Variants in VSNL1 observed in about 807,000 individuals in gnomAD.
VSNL1 encodes visinin-like protein 1.
In VSNL1, 6 loss-of-function variants were observed where a neutral mutation model predicts 20.4. The observed-to-expected ratio is 0.29, with a 90% CI of 0.16 to 0.58. VSNL1 has a LOEUF of 0.58. Ranked by LOEUF, VSNL1 falls within the 20% of genes least tolerant of loss-of-function variation. The pLI, the probability that VSNL1 is intolerant of heterozygous loss-of-function variation, is 0.90. For missense variants in VSNL1, 100 were observed against 234.5 expected (o/e 0.43, Z 3.75); for synonymous variants, 93 against 86.4 (o/e 1.08, Z -0.42).
intron 2 of VSNL1, among the ~76,000 whole-genome samples, chr2:17,594,076 A>G (rs1365164150): frequency 6.6e-6 from 1 of 152,220 alleles, no homozygotes; most frequent in Admixed American, 6.5e-5. Context: ...AATGCAGGAA[A>G]TGAGGTATTT....
intron 2 of VSNL1, among the ~76,000 whole-genome samples, chr2:17,628,917 T>C (rs1166778300): frequency 6.6e-6 from 1 of 152,220 alleles, no homozygotes; most frequent in African/African-American, 2.4e-5. Context: ...CCACCTGCTT[T>C]GATTCCTGCC....
intron 2 of VSNL1, among the ~76,000 whole-genome samples, chr2:17,644,082 G>A (rs535762814): frequency 3.5e-4 from 53 of 152,350 alleles, no homozygotes; most frequent in Admixed American, 9.1e-4. Flanking sequence ...CTGTGGTGAC[G>A]ATGGATGGAA....
At chr2:17,542,041 T>TG (rs1663295245) in intron 1 of VSNL1, among the ~76,000 whole-genome samples, 1 of 152,254 alleles carries the variant, frequency 6.6e-6, no homozygotes, top group South Asian at 2.1e-4. Context: ...ATACTATTTG[T>TG]GTATCACTTT....
chr2:17,587,652 C>G (rs62132088), intron 1 of VSNL1, among the ~76,000 whole-genome samples: 14,791 of 151,968 alleles, frequency 0.097, 1,017 homozygotes, highest in African/African-American at 0.19. Context: ...TTGAGATGAT[C>G]CTGCAGGTGA....
chr2:17,587,963 G>A (rs1664516371), intron 1 of VSNL1, among the ~76,000 whole-genome samples: 1 of 152,200 alleles, frequency 6.6e-6, no homozygotes, highest in African/African-American at 2.4e-5. Context: ...GCCATTAAGT[G>A]AAACTGTGCT....
At position 17,591,996 on chromosome 2, in the gene VSNL1, T is replaced by C. The variant is rs1664602317; in HGVS notation, c.-5-74T>C. ...TTCCGACCATGGGACTGCTCAGAAC[T>C]CTAGCTTGGCTCCTAACCAAGTTTG... On this transcript the variant is annotated intron_variant, in intron 1 of 3. Coordinates refer to ENST00000295156, the MANE Select transcript of VSNL1 (RefSeq NM_003385.5). 3.8e-6 allele frequency: 6 copies of C among 1,576,076 alleles called. No homozygotes were observed. In the East Asian group the frequency reaches 1.3e-4, roughly 35 times the overall value.
intron 1 of VSNL1, among the ~76,000 whole-genome samples, chr2:17,556,379 A>G (rs1048558721): frequency 6.6e-6 from 1 of 152,228 alleles, no homozygotes; most frequent in African/African-American, 2.4e-5. Context: ...CACTTCTTAA[A>G]TCAATTGGAT....
chr2:17,637,196 G>T (rs1441267024), intron 2 of VSNL1, among the ~76,000 whole-genome samples: 1 of 152,152 alleles, frequency 6.6e-6, no homozygotes, highest in Non-Finnish European at 1.5e-5. Flanking sequence ...CCTGGCCCAG[G>T]GGAGCCCGGA....
chr2:17,568,725 C>T (rs1664013590), intron 1 of VSNL1, among the ~76,000 whole-genome samples: 2 of 152,152 alleles, frequency 1.3e-5, no homozygotes, highest in Non-Finnish European at 1.5e-5. Flanking sequence ...CAGTGTCCTT[C>T]GTCCTGAAGT....
At chr2:17,568,076 A>G (rs1206177176) in intron 1 of VSNL1, among the ~76,000 whole-genome samples, 2 of 152,020 alleles carry the variant, frequency 1.3e-5, no homozygotes, top group East Asian at 1.9e-4. Context: ...AATTCCATCT[A>G]TCTTCTTATA....
chr2:17,544,000 A>G (rs1451183014), intron 1 of VSNL1, among the ~76,000 whole-genome samples: 1 of 152,186 alleles, frequency 6.6e-6, no homozygotes, highest in Admixed American at 6.5e-5. Flanking sequence ...ACTCAGAAAG[A>G]TACTCACAAC....
intron 3 of VSNL1, among the ~76,000 whole-genome samples, chr2:17,653,991 C>T (rs13426877): frequency 0.02 from 3,010 of 152,332 alleles, 103 homozygotes; most frequent in African/African-American, 0.07. Flanking sequence ...TGTGGCCTTA[C>T]ATGTCTGGCT....
rs1240993845 is a variant in VSNL1 at position 17,571,508 on chromosome 2, T to C, written c.-5-20562T>C. Among the ~76,000 whole-genome samples the C allele has an allele frequency of 7.2e-5, 11 of 152,264 alleles. No individual in the cohort carries two copies. In the East Asian group the frequency reaches 1.9e-3, roughly 27 times the overall value. On this transcript the variant is annotated intron_variant, in intron 1 of 3. Transcript: ENST00000295156. ...GTATTAATATATGAAATGAACACAT[T>C]TATATATTAATACCAAAAGTCATCA...
chr2:17,607,467 G>T (rs1384609537), intron 2 of VSNL1, among the ~76,000 whole-genome samples: 1 of 152,208 alleles, frequency 6.6e-6, no homozygotes, highest in African/African-American at 2.4e-5. Context: ...TGAGTGAGAA[G>T]AGTGGTCAGT....
intron 2 of VSNL1, among the ~76,000 whole-genome samples, chr2:17,612,424 GTGGGATGCTGGGTAA>G (rs1346123213): frequency 6.6e-6 from 1 of 152,248 alleles, no homozygotes; most frequent in Non-Finnish European, 1.5e-5. Flanking sequence ...GGGGCTGACT[GTGGGATGCTGGGTAA>G]TGGTTCTTAT....
chr2:17,620,110 G>T (rs1665321603), intron 2 of VSNL1, among the ~76,000 whole-genome samples: 1 of 152,158 alleles, frequency 6.6e-6, no homozygotes. Flanking sequence ...AAGCATGGAG[G>T]TAAGAAATTA....
rs966004090 is a variant in VSNL1 at position 17,632,027 on chromosome 2, C to G, written c.163-17383C>G. ...TCAGCCTCCCACGTAGCTGGGACTA[C>G]AGGCCCATGCCACCATGCCTGGCTA... On this transcript the variant is annotated intron_variant, in intron 2 of 3. Coordinates refer to ENST00000295156, the MANE Select transcript of VSNL1 (RefSeq NM_003385.5). Among the ~76,000 whole-genome samples the G allele has an allele frequency of 2.6e-5, 4 of 152,088 alleles. No homozygotes were observed. In the East Asian group the frequency reaches 7.8e-4, roughly 29 times the overall value.
chr2:17,557,192 G>C (rs1312800392), intron 1 of VSNL1, among the ~76,000 whole-genome samples: 1 of 152,140 alleles, frequency 6.6e-6, no homozygotes, highest in African/African-American at 2.4e-5. Context: ...AGAAATGTAG[G>C]AACTTGCCTA....
At chr2:17,588,855 A>G (rs1173362687) in intron 1 of VSNL1, among the ~76,000 whole-genome samples, 1 of 152,206 alleles carries the variant, frequency 6.6e-6, no homozygotes, top group Non-Finnish European at 1.5e-5. Context: ...ACATTTTCTC[A>G]GAAAAAAAAT....
Sources: allele counts gnomAD v4.1 joint callset (sites outside exome capture counted in the v4.1 genomes callset), GRCh38; gene constraint gnomAD v4.1.1; transcripts MANE v1.5; gene names NCBI Gene and HGNC (gene_info 2026-07-23, HGNC 2026-07-21).